The following DNAH7 variants were observed in gnomAD, a reference collection of about 807,000 sequenced individuals.
DNAH7 encodes the protein axonemal beta dynein heavy chain 7.
A neutral mutation model predicts 444.6 loss-of-function variants in DNAH7; 397 were observed. That is an observed-to-expected ratio of 0.89 (90% confidence interval 0.82 to 0.97). The LOEUF (loss-of-function observed/expected upper bound fraction) is 0.97. Among genes scored for constraint, DNAH7 ranks in the 50% least tolerant of loss-of-function variants. DNAH7 has a pLI of 0.00. For missense variants in DNAH7, 4,902 were observed against 4,800.8 expected (o/e 1.02, Z -0.62); for synonymous variants, 1,636 against 1,624.4 (o/e 1.01, Z -0.17).
At position 195,875,740 on chromosome 2, in the gene DNAH7, T is replaced by G; in HGVS notation, c.6221A>C (p.Asp2074Ala). 1 of 1,613,268 alleles carries G rather than the reference T, an allele frequency of 6.2e-7. No homozygotes were observed. Among genetic ancestry groups the G allele is most frequent in the Non-Finnish European group, 8.5e-7 (1 of 1,179,678 alleles). The change falls in exon 38 of 65, where the codon GAT (aspartate) becomes GCT (alanine). Residue 2074 changes from aspartate (D) to alanine (A), a missense_variant. Coordinates refer to ENST00000312428, the MANE Select transcript of DNAH7 (RefSeq NM_018897.3). ...RQWLDHWNWYDLKDCSMIKLV... is the reference protein window; with the variant it reads ...RQWLDHWNWYALKDCSMIKLV... ...TTTAATCATGGAACAATCTTTTAGA[T>G]CATACCAGTTCCAGTGGTCTAACCA... is the stretch of plus-strand genomic sequence containing the variant.
At chr2:196,009,696 A>C (rs1400404986) in intron 10 of DNAH7, among the ~76,000 whole-genome samples, 1 of 152,218 alleles carries the variant, frequency 6.6e-6, no homozygotes, top group Admixed American at 6.5e-5. Flanking sequence ...TTTGCATAGC[A>C]AAGGAAACTA....
chr2:195,891,547 A>G, intron 31 of DNAH7, 108 bp downstream of exon 31: 1 of 1,027,870 alleles, frequency 9.7e-7, no homozygotes. Context: ...TTTAAATAAT[A>G]TCTTAATCTA....
At chr2:195,838,750 T>A (rs1343357488) in intron 47 of DNAH7, among the ~76,000 whole-genome samples, 1 of 151,874 alleles carries the variant, frequency 6.6e-6, no homozygotes, top group African/African-American at 2.4e-5. Context: ...GTAAAAGATA[T>A]ACCATGAAAA....
At chr2:196,024,610 T>C (rs961603171) in intron 7 of DNAH7, 106 bp from the exon 8 acceptor site, 6 of 575,606 alleles carry the variant, frequency 1.0e-5, no homozygotes, top group South Asian at 4.4e-5. Context: ...TTAAATTATA[T>C]TAAAGTTGTT....
chr2:195,864,116 C>G (rs932665963), intron 41 of DNAH7, 33 bp downstream of exon 41: 1 of 1,590,390 alleles, frequency 6.3e-7, no homozygotes, highest in Non-Finnish European at 8.6e-7. Flanking sequence ...TTCAACATTT[C>G]TAGAAGTCTA....
chr2:195,890,100 A>G (rs890007986), intron 31 of DNAH7, among the ~76,000 whole-genome samples: 2 of 152,204 alleles, frequency 1.3e-5, no homozygotes, highest in African/African-American at 4.8e-5. Context: ...GAAGTGGTGA[A>G]GGATTTGAAT....
At chr2:195,810,826 A>G (rs1346845368) in intron 51 of DNAH7, among the ~76,000 whole-genome samples, 1 of 152,200 alleles carries the variant, frequency 6.6e-6, no homozygotes, top group South Asian at 2.1e-4. Context: ...TAAAATAAAC[A>G]TACTATTTCT....
At chr2:195,909,782 C>T (rs970968557) in intron 25 of DNAH7, among the ~76,000 whole-genome samples, 1 of 152,172 alleles carries the variant, frequency 6.6e-6, no homozygotes, top group African/African-American at 2.4e-5. Context: ...ATTTAAGGGA[C>T]ACCACTTATT....
intron 3 of DNAH7, among the ~76,000 whole-genome samples, chr2:196,049,023 T>C (rs998418228): frequency 2.0e-5 from 3 of 152,182 alleles, no homozygotes; most frequent in African/African-American, 4.8e-5. Context: ...AAGCCAATTA[T>C]TGCAATACCA....
intron 5 of DNAH7, among the ~76,000 whole-genome samples, chr2:196,037,940 T>A (rs1405020388): frequency 6.6e-6 from 1 of 152,114 alleles, no homozygotes; most frequent in African/African-American, 2.4e-5. Flanking sequence ...TGGCACAACA[T>A]ATATAGTTAA....
In DNAH7 at chr2:195,808,774, T is replaced by G. The variant is rs750482130; in HGVS notation, c.9991A>C (p.Ile3331Leu). ...TWLPQKSWDE[I>L]CRLDDLPAFK... ...GCAGGCAAATCATCTAATCGACATATTTCATCCCAGGATTTCTGAGGAAGC... is the reference window on the plus strand; with the variant it reads ...GCAGGCAAATCATCTAATCGACATAGTTCATCCCAGGATTTCTGAGGAAGC... The change falls in exon 53 of 65, where the codon ATA (isoleucine) becomes CTA (leucine). Residue 3331 changes from isoleucine (I) to leucine (L), a missense_variant. Coordinates refer to ENST00000312428, the MANE Select transcript of DNAH7 (RefSeq NM_018897.3). 2 of 1,614,060 alleles carry G rather than the reference T, an allele frequency of 1.2e-6. No individual in the cohort carries two copies. The highest frequency in any genetic ancestry group is 2.7e-5 in the African/African-American group (2 of 75,046).
At chr2:195,759,226 G>A (rs1350245226) in intron 61 of DNAH7, among the ~76,000 whole-genome samples, 6 of 152,240 alleles carry the variant, frequency 3.9e-5, no homozygotes, top group East Asian at 3.9e-4. Context: ...ATGGGGCACC[G>A]GGAACAGTCC....
intron 15 of DNAH7, 47 bp from the exon 16 acceptor site, chr2:195,972,513 T>A (rs767042155): frequency 7.0e-7 from 1 of 1,426,524 alleles, no homozygotes; most frequent in South Asian, 1.1e-5. Context: ...GAACAGCTCA[T>A]GTCACGAAAC....
chr2:196,067,233 C>T (rs915990733), intron 1 of DNAH7, among the ~76,000 whole-genome samples: 3 of 152,062 alleles, frequency 2.0e-5, no homozygotes, highest in Non-Finnish European at 4.4e-5. Context: ...TGAGAAATAC[C>T]ATTGGAAATG....
Position 195,934,691 on chromosome 2 carries a change from A to G in DNAH7, c.3371T>C (p.Val1124Ala). 1 of 1,614,016 alleles carries G rather than the reference A, an allele frequency of 6.2e-7. No homozygotes were observed. The highest frequency in any genetic ancestry group is 8.5e-7 in the Non-Finnish European group (1 of 1,179,972). ...ITHMKSSEGE[V>A]VELIEIISTA... is the part of the protein sequence containing the mutation. ...TGAAATAATCTCTATGAGTTCTACA[A>G]CCTCTCCTTCGCTGCTCTTCATGTG... Residue 1124 changes from valine to alanine, a missense_variant, in exon 21 of 65, where the codon GTT becomes GCT. Transcript: ENST00000312428.
At chr2:195,778,667 T>TACACAC (rs1192803792) in intron 58 of DNAH7, among the ~76,000 whole-genome samples, 1 of 69,598 alleles carries the variant, frequency 1.4e-5, no homozygotes, top group African/African-American at 8.4e-5. Context: ...TATATATATA[T>TACACAC]ATACACACAC....
At chr2:195,814,947 G>A (rs943873104) in intron 51 of DNAH7, among the ~76,000 whole-genome samples, 2 of 151,926 alleles carry the variant, frequency 1.3e-5, no homozygotes, top group Admixed American at 1.3e-4. Flanking sequence ...TTGCCATGTT[G>A]TCCAGGCTGG....
At chr2:195,943,407 A>C (rs552575925) in intron 19 of DNAH7, among the ~76,000 whole-genome samples, 1 of 152,248 alleles carries the variant, frequency 6.6e-6, no homozygotes, top group South Asian at 2.1e-4. Context: ...AAACTGTGAT[A>C]ATGAGTAAGT....
intron 32 of DNAH7, 137 bp downstream of exon 32, chr2:195,888,662 C>G (rs1436655287): frequency 2.0e-6 from 2 of 1,020,662 alleles, no homozygotes; most frequent in Non-Finnish European, 2.8e-6. Context: ...CAGATAACGT[C>G]TGTACTTTGA....
Sources: allele counts gnomAD v4.1 joint callset (sites outside exome capture counted in the v4.1 genomes callset), GRCh38; gene constraint gnomAD v4.1.1; transcripts MANE v1.5; gene names NCBI Gene and HGNC (gene_info 2026-07-23, HGNC 2026-07-21).